The following CEP295 variants were observed in gnomAD, a reference collection of about 807,000 sequenced individuals.
The protein encoded by CEP295 is centrosomal protein 295, also known as centrosomal protein of 295 kDa.
CEP295 carries 190 observed loss-of-function variants against 291.6 expected under a neutral mutation model. The ratio of observed to expected loss-of-function variants is 0.65; its 90% CI spans 0.58 to 0.73. The LOEUF is 0.73. CEP295 is among the 30% of genes least tolerant of loss of function. The pLI is 0.00. For missense variants in CEP295, 2,863 were observed against 2,949.4 expected, an observed-to-expected ratio of 0.97 and a Z score of 0.68; for synonymous variants, 993 against 1,038.8, an observed-to-expected ratio of 0.96 and a Z score of 0.85.
In CEP295 at chr11:93,697,581, C is replaced by G. The variant is rs572970632; in HGVS notation, c.2669C>G (p.Pro890Arg). The change falls in exon 15 of 30, where the codon CCC becomes CGC. Residue 890 changes from proline (P) to arginine (R), a missense_variant. Transcript: ENST00000325212. ...CAAACGGGCCTCTCGGTATTCCTTC[C>G]CTTGGTAACTCCAGATTCATCTGCT... ...EQQTGLSVFL[P>R]LVTPDSSALL... The G allele has an allele frequency of 3.5e-5, 54 of 1,551,572 alleles. No individual in the cohort carries two copies. Among genetic ancestry groups the G allele is most frequent in the Non-Finnish European group, 4.6e-5 (53 of 1,146,966 alleles).
Position 93,729,712 on chromosome 11 carries a change from G to T in CEP295, c.7498G>T (p.Glu2500Ter). The change falls in exon 27 of 30, where the codon GAA (glutamate) becomes TAA (stop). Residue 2500 changes from glutamate to a stop codon, truncating the protein, a stop_gained. Coordinates refer to ENST00000325212, the MANE Select transcript of CEP295 (RefSeq NM_033395.2). LOFTEE classifies it high-confidence loss of function. ...GGAGAGATCCCACCAGAGGCAGAAA[G>T]AAATAAGGAATAAAATTCATGTCTC... ...FMERSHQRQK[E>*]IRNKIHVSEN... 1 of 1,549,948 alleles carries T rather than the reference G, an allele frequency of 6.5e-7. No individual in the cohort carries two copies.
rs561596903 is a variant in CEP295, at chr11:93,717,068, CTT to C, written c.5750-4241_5750-4240del. The stretch of plus-strand genomic sequence containing the variant: ...AGCACATTAGATAATATTATTAAGA[CTT>C]TTCCTGGGTCTGGGCTGTGCCTGTT... On this transcript the variant is annotated intron_variant, in intron 18 of 29. Coordinates refer to ENST00000325212, the MANE Select transcript of CEP295 (RefSeq NM_033395.2). 2.6e-4 allele frequency among the ~76,000 whole-genome samples: 39 copies of C among 152,296 alleles called. 1 individual carries two copies. The South Asian group carries it at 7.5e-3, about 29-fold the overall frequency.
chr11:93,695,457 G>A, intron 12 of CEP295, 40 bp from the exon 13 acceptor site: 1 of 1,295,668 alleles, frequency 7.7e-7, no homozygotes, highest in Non-Finnish European at 1.0e-6. Flanking sequence ...GCCTTTGTAT[G>A]AGTTTGTTGT....
At chr11:93,664,068 A>C (rs533808831) in intron 1 of CEP295, among the ~76,000 whole-genome samples, 1 of 152,226 alleles carries the variant, frequency 6.6e-6, no homozygotes, top group South Asian at 2.1e-4. Flanking sequence ...ATTTTGTTGT[A>C]CTTTTTTGTG....
Position 93,695,651 on chromosome 11 carries a change from C to G in CEP295, c.1671+17C>G. 1 of 1,484,706 alleles carries G rather than the reference C, an allele frequency of 6.7e-7. No individual in the cohort carries two copies. 92.0% of individuals were successfully genotyped at this position (1,484,706 alleles called of 1,614,324 possible). On this transcript the variant is annotated intron_variant, in intron 13 of 29. Coordinates refer to ENST00000325212, the MANE Select transcript of CEP295 (RefSeq NM_033395.2). ...CCGACTGGGGTAGGATGCAGAAAAT[C>G]TCATCACTACATAAATCATTTGGTA...
chr11:93,696,284 A>C, intron 13 of CEP295, 36 bp from the exon 14 acceptor site: 1 of 1,278,980 alleles, frequency 7.8e-7, no homozygotes, highest in Non-Finnish European at 1.1e-6. Flanking sequence ...TTACTTCTAA[A>C]TTTGCTTTTT....
At chr11:93,728,979 A>G (rs754065568) in intron 25 of CEP295, 158 bp downstream of exon 25, 113 of 615,786 alleles carry the variant, frequency 1.8e-4, no homozygotes, top group Non-Finnish European at 2.7e-4. Flanking sequence ...AACCTTCACT[A>G]TTCTGTCAAC....
intron 10 of CEP295, among the ~76,000 whole-genome samples, chr11:93,689,893 A>G (rs948735003): frequency 6.6e-6 from 1 of 152,196 alleles, no homozygotes; most frequent in Non-Finnish European, 1.5e-5. Context: ...CTAGACATAT[A>G]TATGATATTT....
intron 14 of CEP295, 106 bp from the exon 15 acceptor site, chr11:93,696,576 T>C (rs1951855485): frequency 1.8e-6 from 2 of 1,137,654 alleles, no homozygotes; most frequent in Admixed American, 2.8e-5. Flanking sequence ...CTTTTCACCA[T>C]GAGTATTGCC....
At chr11:93,719,635 G>A (rs1953548584) in intron 18 of CEP295, 1 of 151,910 alleles carries the variant, frequency 6.6e-6, no homozygotes, top group Admixed American at 6.6e-5. Flanking sequence ...TATCTCAATT[G>A]ATTATTTACA....
chr11:93,705,911 A>C (rs1952482831), intron 17 of CEP295, among the ~76,000 whole-genome samples: 1 of 152,174 alleles, frequency 6.6e-6, no homozygotes, highest in African/African-American at 2.4e-5. Context: ...AATACCTTTT[A>C]AGCTTGATAT....
chr11:93,668,829 G>A lies in CEP295; in HGVS notation c.331G>A (p.Ala111Thr). The change falls in exon 4 of 30, where the codon GCA becomes ACA. Residue 111 changes from alanine (A) to threonine (T), a missense_variant. Ala to Thr is a moderately conservative substitution (Grantham distance 58, BLOSUM62 0). This residue lies in a region of CEP295 where 554 missense variants were observed against 576.0 expected (regional missense o/e 0.96). Coordinates refer to ENST00000325212, the MANE Select transcript of CEP295 (RefSeq NM_033395.2). ...KENEPDLDAL[A>T]QRAAERKRKA... Reference sequence around the variant, plus strand: ...TTAGGAACCTGATTTGGATGCTTTGGCACAGCGGGCAGCAGAAAGGAAAAG... The same window carrying A: ...TTAGGAACCTGATTTGGATGCTTTGACACAGCGGGCAGCAGAAAGGAAAAG... 1 of 1,526,642 alleles carries A rather than the reference G, an allele frequency of 6.6e-7. No individual in the cohort carries two copies. Among genetic ancestry groups the A allele is most frequent in the Admixed American group, 2.2e-5 (1 of 45,090 alleles). 94.6% of individuals were successfully genotyped at this position (1,526,642 alleles called of 1,614,324 possible).
At chr11:93,722,981 T>TA in intron 20 of CEP295, 60 bp from the exon 21 acceptor site, 1 of 1,419,614 alleles carries the variant, frequency 7.0e-7, no homozygotes, top group Non-Finnish European at 9.5e-7. Context: ...GTGCTGGTAT[T>TA]ACAGGCGTGA....
chr11:93,689,314 A>G (rs1485302987), intron 10 of CEP295, among the ~76,000 whole-genome samples: 2 of 152,144 alleles, frequency 1.3e-5, no homozygotes, highest in Non-Finnish European at 2.9e-5. Flanking sequence ...ACCTGCACAC[A>G]TACACCCCCA....
intron 12 of CEP295, among the ~76,000 whole-genome samples, 169 bp downstream of exon 12, chr11:93,692,199 A>G (rs546848808): frequency 1.8e-4 from 28 of 152,290 alleles, no homozygotes; most frequent in African/African-American, 5.5e-4. Flanking sequence ...CTTTGCCCAT[A>G]CTGCTCATTC....
chr11:93,729,413 A>T (rs1386525531), intron 25 of CEP295, 21 bp from the exon 26 acceptor site: 2 of 1,500,896 alleles, frequency 1.3e-6, no homozygotes, highest in African/African-American at 1.4e-5. Flanking sequence ...AGAGTAAAAC[A>T]TGCAACTTTC....
chr11:93,696,249 A>T, intron 13 of CEP295, 71 bp from the exon 14 acceptor site: 1 of 826,026 alleles, frequency 1.2e-6, no homozygotes, highest in African/African-American at 1.7e-5. Flanking sequence ...CAATTATAGA[A>T]CTGTATGTAA....
At position 93,695,533 on chromosome 11, in the gene CEP295, G is replaced by A; in HGVS notation, c.1570G>A (p.Glu524Lys). ...AGAAGAGCAGAAGCAAAAGCAATTG[G>A]AATTACTTGAACAAATTGAACAGCA... ...EIEEQKQKQL[E>K]LLEQIEQQKL... The change falls in exon 13 of 30, where the codon GAA becomes AAA. Residue 524 changes from glutamate to lysine, a missense_variant. Around this residue, in one of 3 missense-constraint regions of CEP295, gnomAD observed 14 missense variants for 37.7 expected, o/e 0.37. Transcript: ENST00000325212. 2 of 1,467,064 alleles carry A rather than the reference G, an allele frequency of 1.4e-6. No homozygotes were observed. The highest frequency in any genetic ancestry group is 1.8e-6 in the Non-Finnish European group (2 of 1,117,880). The allele number at this position is 1,467,064 out of a possible 1,614,324, so 90.9% of individuals were successfully genotyped here. A position where few individuals can be genotyped will look rare whatever the true frequency, so the allele number is the denominator to read the frequency against.
At position 93,668,862 on chromosome 11, in the gene CEP295, G is replaced by C. The variant is rs1950306711; in HGVS notation, c.364G>C (p.Asp122His). 3 of 1,503,906 alleles carry C rather than the reference G, an allele frequency of 2.0e-6. No homozygotes were observed. The highest frequency in any genetic ancestry group is 1.4e-5 in the African/African-American group (1 of 71,282). 93.2% of individuals were successfully genotyped at this position (1,503,906 alleles called of 1,614,324 possible). ...QRAAERKRKA[D>H]LRHKEALKVQ... The stretch of plus-strand genomic sequence containing the variant: ...GGCAGCAGAAAGGAAAAGAAAAGCA[G>C]ATTTGAGGCATAAAGAAGCCTTGAA... Residue 122 changes from aspartate (D) to histidine (H), a missense_variant, in exon 4 of 30, where the codon GAT (aspartate) becomes CAT (histidine). Coordinates refer to ENST00000325212, the MANE Select transcript of CEP295 (RefSeq NM_033395.2).
Sources: gnomAD v4.1 joint callset for allele counts (sites outside exome capture counted in the v4.1 genomes callset) on GRCh38, gnomAD v4.1.1 for gene constraint, gnomAD v4.1.1 regional missense constraint, MANE v1.5 for transcripts, NCBI Gene and HGNC (gene_info 2026-07-23, HGNC 2026-07-21) for gene names.